The following ANKDD1B variants were observed in gnomAD, a reference collection of about 807,000 sequenced individuals.
ANKDD1B encodes the protein ankyrin repeat and death domain-containing protein 1B.
A neutral mutation model predicts 59.7 loss-of-function variants in ANKDD1B; 57 were observed. The ratio of observed to expected loss-of-function variants is 0.95; its 90% CI spans 0.77 to 1.19. The LOEUF (loss-of-function observed/expected upper bound fraction) is 1.19, where lower values mean the gene tolerates loss of function less well. ANKDD1B is among the 50% of genes most tolerant of loss of function. The pLI is 0.00. For synonymous variants in ANKDD1B, 216 were observed against 239.5 expected, an observed-to-expected ratio of 0.90 and a Z score of 0.91; for missense variants, 602 against 641.9, an observed-to-expected ratio of 0.94 and a Z score of 0.67.
intron 6 of ANKDD1B, chr5:75,635,485 C>T: frequency 7.6e-6 from 2 of 261,978 alleles, no homozygotes; most frequent in South Asian, 1.3e-4. Context: ...ACCATTTTAC[C>T]CTCACAGAGG....
rs746221147 is a variant in ANKDD1B, at chr5:75,635,899, G to C, written c.798+17G>C. On this transcript the variant is annotated intron_variant, in intron 7 of 13. Coordinates refer to ENST00000601380, the MANE Select transcript of ANKDD1B (RefSeq NM_001276713.2). ...ATGAATGAGGTATGTGGAAGTGCTC[G>C]TTATTGCCATAGGACTTAAATGTGG... The C allele has an allele frequency of 1.4e-6, 2 of 1,465,890 alleles. No homozygotes were observed. Among genetic ancestry groups the C allele is most frequent in the Non-Finnish European group, 1.8e-6 (2 of 1,085,884 alleles). The allele number at this position is 1,465,890 out of a possible 1,614,324, so 90.8% of individuals were successfully genotyped here. A position where few individuals can be genotyped will look rare whatever the true frequency, so the allele number is the denominator to read the frequency against.
chr5:75,627,113 G>T (rs1774015055), intron 5 of ANKDD1B, among the ~76,000 whole-genome samples: 2 of 152,156 alleles, frequency 1.3e-5, no homozygotes, highest in South Asian at 4.1e-4. Flanking sequence ...TTACAGCTTA[G>T]AGGAAGACAG....
At chr5:75,616,165 A>G (rs1349259053) in intron 1 of ANKDD1B, among the ~76,000 whole-genome samples, 2 of 152,194 alleles carry the variant, frequency 1.3e-5, no homozygotes, top group African/African-American at 2.4e-5. Flanking sequence ...ACTCCCCTAC[A>G]TAACAAAAAA....
At chr5:75,649,810 A>G (rs1028812478) in intron 7 of ANKDD1B, among the ~76,000 whole-genome samples, 12 of 152,200 alleles carry the variant, frequency 7.9e-5, no homozygotes, top group Non-Finnish European at 1.8e-4. Context: ...TCTAGAATCT[A>G]AAAAGCAGAT....
intron 9 of ANKDD1B, among the ~76,000 whole-genome samples, chr5:75,657,721 A>C (rs1197826270): frequency 6.6e-6 from 1 of 152,066 alleles, no homozygotes; most frequent in Non-Finnish European, 1.5e-5. Context: ...AGCCTGGCCA[A>C]TATAGTGAAA....
At chr5:75,661,322 G>A (rs973591340) in intron 10 of ANKDD1B, among the ~76,000 whole-genome samples, 7 of 145,558 alleles carry the variant, frequency 4.8e-5, no homozygotes, top group East Asian at 4.2e-4. Flanking sequence ...ACTTGAAACC[G>A]GAAGGCGGAG....
At chr5:75,613,555 T>A (rs947757896) in intron 1 of ANKDD1B, among the ~76,000 whole-genome samples, 27 of 152,236 alleles carry the variant, frequency 1.8e-4, no homozygotes, top group African/African-American at 6.3e-4. Context: ...CTATTACTTC[T>A]GTTTTCACTA....
chr5:75,632,339 CTT>C (rs1475072367), intron 5 of ANKDD1B, among the ~76,000 whole-genome samples: 1 of 152,150 alleles, frequency 6.6e-6, no homozygotes, highest in Admixed American at 6.5e-5. Context: ...CAGCAGGGCT[CTT>C]TATCTCTTCC....
At chr5:75,635,914 C>A in intron 7 of ANKDD1B, 32 bp downstream of exon 7, 3 of 1,367,374 alleles carry the variant, frequency 2.2e-6, no homozygotes, top group South Asian at 1.3e-5. Context: ...TGCCATAGGA[C>A]TTAAATGTGG....
intron 2 of ANKDD1B, among the ~76,000 whole-genome samples, chr5:75,617,569 C>T (rs992681473): frequency 2.0e-5 from 3 of 152,078 alleles, no homozygotes; most frequent in Non-Finnish European, 4.4e-5. Flanking sequence ...GAGGCTGTGT[C>T]AATTGCTTAG....
intron 7 of ANKDD1B, among the ~76,000 whole-genome samples, chr5:75,639,979 C>T (rs372024478): frequency 1.3e-5 from 2 of 152,060 alleles, no homozygotes; most frequent in East Asian, 1.9e-4. Flanking sequence ...ATACTTGGTA[C>T]AAACGTACTT....
intron 7 of ANKDD1B, among the ~76,000 whole-genome samples, chr5:75,641,200 A>C (rs1291432315): frequency 6.6e-6 from 1 of 152,212 alleles, no homozygotes; most frequent in African/African-American, 2.4e-5. Flanking sequence ...TTTTTAGATC[A>C]CAAAAATAGA....
rs6875480 is a variant in ANKDD1B, at chr5:75,658,541, T to C, written c.997-742T>C. ...GGAAATTTGAAGTCTTGGACTCCTT[T>C]ATACATTATAACGTAGAAAATTTAG... is the stretch of plus-strand genomic sequence containing the variant. On this transcript the variant is annotated intron_variant, in intron 9 of 13. Coordinates refer to ENST00000601380, the MANE Select transcript of ANKDD1B (RefSeq NM_001276713.2). Among the ~76,000 whole-genome samples, 3,049 of 152,320 alleles carry C rather than the reference T, an allele frequency of 0.02. 214 individuals are homozygous for C. In the East Asian group the frequency reaches 0.27, roughly 13 times the overall value.
intron 11 of ANKDD1B, 43 bp downstream of exon 11, chr5:75,663,532 AC>A (rs1208979380): frequency 2.0e-6 from 3 of 1,470,102 alleles, no homozygotes; most frequent in Non-Finnish European, 9.2e-7. Flanking sequence ...TTTCCTGGCA[AC>A]ACCCATCTTC....
intron 3 of ANKDD1B, among the ~76,000 whole-genome samples, chr5:75,625,263 T>C (rs1489224973): frequency 6.6e-6 from 1 of 152,222 alleles, no homozygotes; most frequent in Non-Finnish European, 1.5e-5. Context: ...AATAACCATT[T>C]ATCTTTATTA....
intron 13 of ANKDD1B, among the ~76,000 whole-genome samples, chr5:75,669,979 C>T (rs1389327614): frequency 1.3e-5 from 2 of 152,186 alleles, no homozygotes; most frequent in Admixed American, 6.5e-5. Flanking sequence ...AAGCAAAATA[C>T]AGGAACATCT....
chr5:75,641,296 C>T (rs1198549712), intron 7 of ANKDD1B, among the ~76,000 whole-genome samples: 1 of 152,160 alleles, frequency 6.6e-6, no homozygotes, highest in Non-Finnish European at 1.5e-5. Context: ...GACACCAGTG[C>T]CTCAGCTTTT....
chr5:75,670,993 T>TGAG lies in ANKDD1B; in HGVS notation c.1540_1541insGAG (p.Phe514delinsTer), dbSNP rs1775464101. On this transcript the variant is annotated stop_gained, in exon 14 of 14. Transcript: ENST00000601380. LOFTEE classifies it high-confidence loss of function. ...ATTTTTTCCAGAAAAGACTCGTCAT[T>TGAG]TCAAAAGCAAAACTGACTCAAACTC... is the stretch of plus-strand genomic sequence containing the variant. 8.1e-7 allele frequency: 1 copy of TGAG among 1,229,414 alleles called. No individual in the cohort carries two copies. Among genetic ancestry groups the TGAG allele is most frequent in the South Asian group, 4.1e-5 (1 of 24,274 alleles). The allele number at this position is 1,229,414 out of a possible 1,614,324, so 76.2% of individuals were successfully genotyped here.
At chr5:75,619,586 T>G (rs1773794609) in intron 2 of ANKDD1B, among the ~76,000 whole-genome samples, 1 of 152,224 alleles carries the variant, frequency 6.6e-6, no homozygotes, top group African/African-American at 2.4e-5. Context: ...CAAAGAATAG[T>G]AAAGCCATGC....
Sources: gnomAD v4.1 joint callset for allele counts (sites outside exome capture counted in the v4.1 genomes callset) on GRCh38, gnomAD v4.1.1 for gene constraint, MANE v1.5 for transcripts, NCBI Gene and HGNC (gene_info 2026-07-23, HGNC 2026-07-21) for gene names.